UROC1: variants seen among roughly 807,000 people sequenced by gnomAD.
The protein encoded by UROC1 is urocanate hydratase.
In UROC1, 79 loss-of-function variants were observed where a neutral mutation model predicts 89.5. The ratio of observed to expected loss-of-function variants is 0.88; its 90% CI spans 0.74 to 1.06. UROC1 has a LOEUF of 1.06. Among genes scored for constraint, UROC1 ranks in the 50% least tolerant of loss-of-function variants. The pLI is 0.00. For missense variants in UROC1, 885 were observed against 907.8 expected, an observed-to-expected ratio of 0.97 and a Z score of 0.32; for synonymous variants, 361 against 354.8, an observed-to-expected ratio of 1.02 and a Z score of -0.20.
intron 1 of UROC1, among the ~76,000 whole-genome samples, chr3:126,511,184 G>A (rs555803233): frequency 6.6e-6 from 1 of 152,250 alleles, no homozygotes; most frequent in African/African-American, 2.4e-5. Flanking sequence ...TAAGTACCCT[G>A]TGCAAGTGCA....
intron 7 of UROC1, 35 bp from the exon 8 acceptor site, chr3:126,505,879 T>G (rs1031476244): frequency 6.2e-7 from 1 of 1,609,628 alleles, no homozygotes; most frequent in African/African-American, 1.3e-5. Flanking sequence ...CACTGCCCAC[T>G]CCCAGCCCGC....
chr3:126,483,234 G>T, intron 19 of UROC1, 135 bp downstream of exon 19: 1 of 786,632 alleles, frequency 1.3e-6, no homozygotes, highest in Non-Finnish European at 2.2e-6. Flanking sequence ...CTTCCTGGCT[G>T]CTGTGCTGTG....
intron 9 of UROC1, among the ~76,000 whole-genome samples, chr3:126,503,559 G>C (rs1020915122): frequency 4.6e-5 from 7 of 152,230 alleles, no homozygotes; most frequent in African/African-American, 1.7e-4. Context: ...CGCCTCACAG[G>C]CTCGCCACTG....
intron 5 of UROC1, 57 bp downstream of exon 5, chr3:126,507,910 T>C (rs1576728109): frequency 1.9e-6 from 3 of 1,613,254 alleles, no homozygotes; most frequent in East Asian, 4.5e-5. Context: ...CTTTCCAGCG[T>C]CTGCACCCTC....
chr3:126,507,906 A>G (rs866469841), intron 5 of UROC1, 61 bp downstream of exon 5: 2 of 1,612,552 alleles, frequency 1.2e-6, no homozygotes, highest in Middle Eastern at 1.7e-4. Context: ...CTTTCTTTCC[A>G]GCGTCTGCAC....
At chr3:126,488,867 G>T (rs1251504462) in intron 17 of UROC1, among the ~76,000 whole-genome samples, 5 of 152,206 alleles carry the variant, frequency 3.3e-5, no homozygotes, top group Admixed American at 3.3e-4. Context: ...CCCTCTTGCA[G>T]GCTCTTCCCC....
At chr3:126,500,624 T>A in intron 11 of UROC1, 71 bp downstream of exon 11, 1 of 1,591,236 alleles carries the variant, frequency 6.3e-7, no homozygotes. Context: ...GAGAACTAGG[T>A]GGTGGCCAGA....
chr3:126,499,646 G>A (rs918365298), intron 12 of UROC1, among the ~76,000 whole-genome samples: 3 of 152,232 alleles, frequency 2.0e-5, no homozygotes, highest in Non-Finnish European at 4.4e-5. Context: ...GCCAGAGCCC[G>A]CCACCTGCAG....
intron 9 of UROC1, among the ~76,000 whole-genome samples, chr3:126,503,647 G>T (rs1055759066): frequency 6.6e-6 from 1 of 152,218 alleles, no homozygotes; most frequent in Non-Finnish European, 1.5e-5. Flanking sequence ...TTCATGCTTC[G>T]CAGAACCAGG....
At position 126,498,182 on chromosome 3, in the gene UROC1, C is replaced by G. The variant is rs1317229684; in HGVS notation, c.1317-10G>C. The G allele has an allele frequency of 6.2e-7, 1 of 1,614,052 alleles. No individual in the cohort carries two copies. The highest frequency in any genetic ancestry group is 1.3e-5 in the African/African-American group (1 of 74,948). Reference sequence around the variant, plus strand: ...CTGGGAGAATATGTCCCTGCAAGCACAGATGCCTCCTCACCCTGGGCCCGC... The same window carrying G: ...CTGGGAGAATATGTCCCTGCAAGCAGAGATGCCTCCTCACCCTGGGCCCGC... On this transcript the variant is annotated splice_polypyrimidine_tract_variant and intron_variant, in intron 13 of 19. Coordinates refer to ENST00000290868, the MANE Select transcript of UROC1 (RefSeq NM_144639.3).
chr3:126,507,925 T>G, intron 5 of UROC1, 42 bp downstream of exon 5: 1 of 1,613,458 alleles, frequency 6.2e-7, no homozygotes, highest in Non-Finnish European at 8.5e-7. Context: ...ACCCTCTCTT[T>G]GGAGCCCTGG....
chr3:126,509,705 C>T, intron 2 of UROC1, 27 bp from the exon 3 acceptor site: 2 of 1,546,990 alleles, frequency 1.3e-6, no homozygotes, highest in Non-Finnish European at 1.7e-6. Context: ...AACCACCAGG[C>T]TGCCCTTCCC....
At chr3:126,495,526 A>AAAAGGTTAACCT (rs1935756513) in intron 15 of UROC1, among the ~76,000 whole-genome samples, 1 of 152,140 alleles carries the variant, frequency 6.6e-6, no homozygotes, top group African/African-American at 2.4e-5. Context: ...TGGTTAACCC[A>AAAAGGTTAACCT]CACTTTGTTT....
chr3:126,492,640 A>T, intron 15 of UROC1, 124 bp from the exon 16 acceptor site: 1 of 551,646 alleles, frequency 1.8e-6, no homozygotes, highest in Non-Finnish European at 3.2e-6. Context: ...TGAGCGCCTA[A>T]CAAGGTCCAG....
intron 1 of UROC1, among the ~76,000 whole-genome samples, chr3:126,515,464 C>T (rs1316082460): frequency 3.4e-5 from 5 of 145,296 alleles, no homozygotes; most frequent in African/African-American, 5.2e-5. Flanking sequence ...ACCACCTACC[C>T]TCTCCCTGTC....
chr3:126,513,783 A>G (rs553328960), intron 1 of UROC1, among the ~76,000 whole-genome samples: 1 of 152,200 alleles, frequency 6.6e-6, no homozygotes, highest in African/African-American at 2.4e-5. Context: ...AGAAGCCTCT[A>G]TACTCTGTGG....
chr3:126,513,268 A>G (rs778548612), intron 1 of UROC1, among the ~76,000 whole-genome samples: 1 of 151,960 alleles, frequency 6.6e-6, no homozygotes, highest in Non-Finnish European at 1.5e-5. Flanking sequence ...GACTGTCACT[A>G]TTTCTGCCAG....
chr3:126,504,670 C>T (rs966922008), intron 8 of UROC1, among the ~76,000 whole-genome samples: 7 of 152,180 alleles, frequency 4.6e-5, no homozygotes, highest in African/African-American at 1.7e-4. Flanking sequence ...TTCTTGTTAC[C>T]TGCAGCTTGG....
Position 126,508,489 on chromosome 3 carries a change from G to A in UROC1, c.352-14C>T, listed in dbSNP as rs755261576. On this transcript the variant is annotated splice_polypyrimidine_tract_variant and intron_variant, in intron 3 of 19. Transcript: ENST00000290868. The stretch of plus-strand genomic sequence containing the variant: ...CTCCTGGGGAAACTGAGGAAGACAC[G>A]GGGTCATCTGAGATGAGGGCCTGGG... 2.2e-5 allele frequency: 35 copies of A among 1,611,588 alleles called. No homozygotes were observed. Among genetic ancestry groups the A allele is most frequent in the South Asian group, 3.3e-5 (3 of 90,670 alleles).
Sources: allele counts gnomAD v4.1 joint callset (sites outside exome capture counted in the v4.1 genomes callset), GRCh38; gene constraint gnomAD v4.1.1; transcripts MANE v1.5; gene names NCBI Gene and HGNC (gene_info 2026-07-23, HGNC 2026-07-21).